PDE4B: variants seen among roughly 807,000 people sequenced by gnomAD.
The protein encoded by PDE4B is 3',5'-cyclic-AMP phosphodiesterase 4B.
Under a neutral mutation model 82.2 loss-of-function variants are expected in PDE4B, and 20 were observed. The ratio of observed to expected loss-of-function variants is 0.24; its 90% CI spans 0.17 to 0.35. The LOEUF is 0.35. Ranked by LOEUF, PDE4B falls within the 10% of genes least tolerant of loss-of-function variation. PDE4B has a pLI of 1.00. For synonymous variants in PDE4B, 320 were observed against 318.9 expected, an observed-to-expected ratio of 1.00 and a Z score of -0.04; for missense variants, 655 against 907.2, an observed-to-expected ratio of 0.72 and a Z score of 3.57.
intron 1 of PDE4B, among the ~76,000 whole-genome samples, chr1:65,901,481 C>T (rs777436622): frequency 6.6e-6 from 1 of 151,968 alleles, no homozygotes; most frequent in Non-Finnish European, 1.5e-5. Context: ...GGGAGAAGTG[C>T]TCTTCTTGTA....
chr1:66,215,896 G>T (rs1378872705), intron 3 of PDE4B, among the ~76,000 whole-genome samples: 1 of 152,144 alleles, frequency 6.6e-6, no homozygotes, highest in East Asian at 1.9e-4. Context: ...AAGAGCAAAG[G>T]CCAAATGTTG....
chr1:66,045,952 A>G (rs1654689989), intron 3 of PDE4B, among the ~76,000 whole-genome samples: 1 of 151,788 alleles, frequency 6.6e-6, no homozygotes, highest in Non-Finnish European at 1.5e-5. Flanking sequence ...ACCACAAATG[A>G]GACCATGCTA....
chr1:66,172,524 C>A (rs946530887), intron 3 of PDE4B, among the ~76,000 whole-genome samples: 11 of 152,170 alleles, frequency 7.2e-5, no homozygotes, highest in Non-Finnish European at 1.6e-4. Context: ...GAGAAATTTC[C>A]AAACTGCTTT....
chr1:65,946,285 GCTGGGGTC>G (rs773428586), intron 3 of PDE4B, among the ~76,000 whole-genome samples: 6 of 151,982 alleles, frequency 3.9e-5, no homozygotes, highest in Non-Finnish European at 7.4e-5. Context: ...GTTGATTGCT[GCTGGGGTC>G]ACCTGATTTT....
In PDE4B at chr1:65,885,294, A is replaced by T. The variant is rs577223041; in HGVS notation, c.-70-27951A>T. ...TAAACTAGCTCAACCATTGTGGAAGACAGTGTGGCGATTCCTCAAGTATCT... is the reference window on the plus strand; with the variant it reads ...TAAACTAGCTCAACCATTGTGGAAGTCAGTGTGGCGATTCCTCAAGTATCT... On this transcript the variant is annotated intron_variant, in intron 1 of 16. Transcript: ENST00000341517. Among the ~76,000 whole-genome samples the T allele has an allele frequency of 4.5e-4, 69 of 152,318 alleles. 1 individual carries two copies. Among genetic ancestry groups the T allele is most frequent in the African/African-American group, 1.5e-3 (63 of 41,588 alleles).
intron 3 of PDE4B, among the ~76,000 whole-genome samples, chr1:65,974,148 A>G (rs921209762): frequency 3.9e-5 from 6 of 151,922 alleles, no homozygotes; most frequent in South Asian, 4.1e-4. Context: ...TGGAAATTTT[A>G]GATCACGGTT....
intron 1 of PDE4B, among the ~76,000 whole-genome samples, chr1:65,904,922 A>C (rs1289622113): frequency 6.6e-6 from 1 of 152,182 alleles, no homozygotes; most frequent in Non-Finnish European, 1.5e-5. Context: ...TCAGAAGAGT[A>C]GGAATATGTA....
intron 3 of PDE4B, among the ~76,000 whole-genome samples, chr1:66,037,836 T>C (rs2100817772): frequency 6.6e-6 from 1 of 152,276 alleles, no homozygotes; most frequent in South Asian, 2.1e-4. Flanking sequence ...TTTTATCATT[T>C]TATAAAAGAT....
chr1:65,971,216 G>A (rs906878468), intron 3 of PDE4B, among the ~76,000 whole-genome samples: 2 of 151,870 alleles, frequency 1.3e-5, no homozygotes, highest in East Asian at 1.9e-4. Flanking sequence ...GTGACTAGAC[G>A]CTAGGCAATT....
At chr1:66,142,510 A>T (rs1284406711) in intron 3 of PDE4B, among the ~76,000 whole-genome samples, 3 of 151,948 alleles carry the variant, frequency 2.0e-5, no homozygotes, top group Non-Finnish European at 2.9e-5. Flanking sequence ...TTTTTTTTAA[A>T]TTTTTTTGAC....
chr1:66,188,982 C>G (rs960591376), intron 3 of PDE4B, among the ~76,000 whole-genome samples: 7 of 151,654 alleles, frequency 4.6e-5, no homozygotes, highest in African/African-American at 1.7e-4. Flanking sequence ...CCAGTTTTTC[C>G]TTTCTATGTT....
chr1:65,824,926 A>G (rs1406664258), intron 1 of PDE4B, among the ~76,000 whole-genome samples: 1 of 152,144 alleles, frequency 6.6e-6, no homozygotes, highest in Non-Finnish European at 1.5e-5. Flanking sequence ...TTGGGTGATA[A>G]CAAAGTTACA....
At chr1:65,904,524 A>C (rs554552491) in intron 1 of PDE4B, among the ~76,000 whole-genome samples, 1 of 152,076 alleles carries the variant, frequency 6.6e-6, no homozygotes, top group Non-Finnish European at 1.5e-5. Context: ...TGCCAACTGC[A>C]TATCTCTCCT....
intron 3 of PDE4B, among the ~76,000 whole-genome samples, chr1:66,084,651 C>G (rs921001620): frequency 5.9e-5 from 9 of 152,072 alleles, no homozygotes; most frequent in Non-Finnish European, 7.4e-5. Context: ...CAAATCAATG[C>G]TCTAGGGGTC....
intron 1 of PDE4B, among the ~76,000 whole-genome samples, chr1:65,808,564 CGTGTTTGAAAGGTGGGCTGAGATCACACT>C (rs1645782964): frequency 6.6e-6 from 1 of 152,088 alleles, no homozygotes. Context: ...AATGGGAGGA[CGTGTTTGAAAGGTGGGCTGAGATCACACT>C]GTGAACTTTG....
At chr1:65,895,273 G>T (rs2100400318) in intron 1 of PDE4B, among the ~76,000 whole-genome samples, 1 of 152,078 alleles carries the variant, frequency 6.6e-6, no homozygotes, top group Middle Eastern at 3.4e-3. Context: ...CTTCAGGCTG[G>T]GTGCGGTGGC....
At chr1:66,216,205 T>C (rs1650443960) in intron 3 of PDE4B, among the ~76,000 whole-genome samples, 1 of 149,362 alleles carries the variant, frequency 6.7e-6, no homozygotes, top group African/African-American at 2.4e-5. Flanking sequence ...TAATTATGTA[T>C]ATAATATAAT....
At chr1:66,218,074 C>G (rs1414051612) in intron 3 of PDE4B, among the ~76,000 whole-genome samples, 3 of 152,044 alleles carry the variant, frequency 2.0e-5, no homozygotes, top group African/African-American at 7.2e-5. Flanking sequence ...TCAGCATTAG[C>G]CTGGTAATTG....
chr1:66,012,125 C>G (rs189513108), intron 3 of PDE4B, among the ~76,000 whole-genome samples: 1 of 152,012 alleles, frequency 6.6e-6, no homozygotes, highest in Non-Finnish European at 1.5e-5. Context: ...TTTTTTTAGC[C>G]AAGTGTTCAC....
Sources: allele counts gnomAD v4.1 joint callset (sites outside exome capture counted in the v4.1 genomes callset), GRCh38; gene constraint gnomAD v4.1.1; transcripts MANE v1.5; gene names NCBI Gene and HGNC (gene_info 2026-07-23, HGNC 2026-07-21).